The following SOX5 variants were observed in gnomAD, a reference collection of about 807,000 sequenced individuals.
The protein encoded by SOX5 is transcription factor SOX-5.
A neutral mutation model predicts 92.0 loss-of-function variants in SOX5; 9 were observed. The ratio of observed to expected loss-of-function variants is 0.10; its 90% CI spans 0.06 to 0.17. SOX5 has a LOEUF of 0.17. SOX5 is among the 10% of genes least tolerant of loss of function. SOX5 has a pLI of 1.00. For synonymous variants in SOX5, 344 were observed against 336.3 expected (o/e 1.02, Z -0.25); for missense variants, 642 against 944.5 (o/e 0.68, Z 4.20).
chr12:23,815,452 AAACTGAT>A lies in SOX5; in HGVS notation c.481+30524_481+30530del. On this transcript the variant is annotated intron_variant, in intron 3 of 14. Transcript: ENST00000451604. ...GAACACCTAATCAACACCAATAATA[AAACTGAT>A]AACTGATAAGAGTTCATTATTCTTT... Among the ~76,000 whole-genome samples the A allele has an allele frequency of 2.6e-5, 4 of 152,322 alleles. No homozygotes were observed. In the East Asian group the frequency reaches 7.7e-4, roughly 29 times the overall value.
rs1208796492 is a variant in SOX5, at chr12:23,847,243, CTT to C, written c.271-1052_271-1051del. ...TAAACATAAAGCTGTATCCTAAGAT[CTT>C]TGAGACTCACACTAAAAATATTTCT... On this transcript the variant is annotated intron_variant, in intron 2 of 14. Transcript: ENST00000451604. 5.9e-5 allele frequency among the ~76,000 whole-genome samples: 9 copies of C among 152,182 alleles called. No individual in the cohort carries two copies. In the East Asian group the frequency reaches 1.7e-3, roughly 29 times the overall value.
Position 24,425,725 on chromosome 12 carries a change from C to T in SOX5, c.-250-57086G>A, listed in dbSNP as rs150516992. 2.5e-3 allele frequency among the ~76,000 whole-genome samples: 388 copies of T among 152,168 alleles called. 11 individuals carry two copies. Among genetic ancestry groups the T allele is most frequent in the Admixed American group, 0.021 (326 of 15,286 alleles). ...GGGTGGTTTATGTCTTTCAAGTCAC[C>T]GGGCTGTTCCTCAGAAACTATGCAT... On this transcript the variant is annotated intron_variant, in intron 1 of 4. Transcript: ENST00000446891.
intron 4 of SOX5, among the ~76,000 whole-genome samples, chr12:24,093,478 G>T (rs1289525067): frequency 1.3e-5 from 2 of 150,478 alleles, no homozygotes; most frequent in African/African-American, 4.9e-5. Context: ...AGCCAAGATC[G>T]CGCCACTGCA....
At chr12:23,971,349 C>T (rs921608824) in intron 4 of SOX5, among the ~76,000 whole-genome samples, 2 of 151,358 alleles carry the variant, frequency 1.3e-5, no homozygotes, top group African/African-American at 4.9e-5. Context: ...GTCTAGATCT[C>T]CTGACCTGGT....
intron 8 of SOX5, among the ~76,000 whole-genome samples, chr12:23,636,315 G>A (rs971113875): frequency 6.6e-6 from 1 of 152,098 alleles, no homozygotes; most frequent in Non-Finnish European, 1.5e-5. Context: ...ACACAGTAAG[G>A]TGATTTTTCT....
chr12:24,114,306 G>C (rs1490480757), intron 4 of SOX5, among the ~76,000 whole-genome samples: 2 of 152,098 alleles, frequency 1.3e-5, no homozygotes, highest in Non-Finnish European at 2.9e-5. Flanking sequence ...GACGAGAACA[G>C]TGGTTCATGT....
At chr12:23,686,379 G>A (rs544753696) in intron 6 of SOX5, among the ~76,000 whole-genome samples, 55 of 152,260 alleles carry the variant, frequency 3.6e-4, no homozygotes, top group African/African-American at 1.3e-3. Flanking sequence ...AAAAATATCA[G>A]CTTAAGAAGG....
intron 1 of SOX5, among the ~76,000 whole-genome samples, chr12:24,399,620 TA>T (rs1254871748): frequency 2.0e-5 from 3 of 152,250 alleles, no homozygotes; most frequent in East Asian, 3.9e-4. Flanking sequence ...TTTCAGTAGC[TA>T]AAAAAACAAT....
intron 4 of SOX5, among the ~76,000 whole-genome samples, chr12:24,046,762 C>G (rs193171414): frequency 6.7e-6 from 1 of 149,180 alleles, no homozygotes; most frequent in East Asian, 2.0e-4. Flanking sequence ...TCACTGCAAC[C>G]GCTGCCTCCT....
intron 2 of SOX5, among the ~76,000 whole-genome samples, chr12:24,278,185 A>C (rs1944716444): frequency 6.6e-6 from 1 of 152,202 alleles, no homozygotes; most frequent in African/African-American, 2.4e-5. Context: ...CTGATTATTC[A>C]GTTTTGATCA....
chr12:23,686,503 T>C (rs1278093877), intron 6 of SOX5, among the ~76,000 whole-genome samples: 3 of 152,198 alleles, frequency 2.0e-5, no homozygotes, highest in African/African-American at 7.2e-5. Context: ...AATTGGCGAC[T>C]CTCTAATGCC....
At chr12:24,366,491 T>C (rs906976075) in intron 2 of SOX5, among the ~76,000 whole-genome samples, 3 of 152,156 alleles carry the variant, frequency 2.0e-5, no homozygotes, top group Non-Finnish European at 2.9e-5. Context: ...TGCTACCAAA[T>C]GAAGTCAGAG....
In SOX5 at chr12:23,783,501, G is replaced by T. The variant is rs546502523; in HGVS notation, c.482-27777C>A. 1.2e-3 allele frequency among the ~76,000 whole-genome samples: 177 copies of T among 152,254 alleles called. 1 individual carries two copies. Among genetic ancestry groups the T allele is most frequent in the African/African-American group, 3.9e-3 (162 of 41,550 alleles). Reference sequence around the variant, plus strand: ...AGAAATATAGTAAATTTGACCATGTGCTGAGGAATTAAGTTGAAATAGAGA... The same window carrying T: ...AGAAATATAGTAAATTTGACCATGTTCTGAGGAATTAAGTTGAAATAGAGA... On this transcript the variant is annotated intron_variant, in intron 3 of 14. Coordinates refer to ENST00000451604, the MANE Select transcript of SOX5 (RefSeq NM_006940.6).
chr12:23,887,416 A>G (rs2097079820), intron 2 of SOX5, among the ~76,000 whole-genome samples: 1 of 152,244 alleles, frequency 6.6e-6, no homozygotes, highest in Non-Finnish European at 1.5e-5. Flanking sequence ...ATTATATAAT[A>G]AAGTGCAACT....
chr12:24,401,977 C>CCT (rs1961817757), intron 1 of SOX5, among the ~76,000 whole-genome samples: 1 of 152,088 alleles, frequency 6.6e-6, no homozygotes, highest in Non-Finnish European at 1.5e-5. Context: ...TTTACACCTA[C>CCT]CTCCTAATGC....
intron 4 of SOX5, among the ~76,000 whole-genome samples, chr12:24,184,430 A>G (rs1231340858): frequency 1.3e-5 from 2 of 152,190 alleles, no homozygotes; most frequent in East Asian, 3.8e-4. Flanking sequence ...CAAACAACCT[A>G]TGGCATAAGC....
chr12:24,411,111 T>A (rs755413463), intron 1 of SOX5, among the ~76,000 whole-genome samples: 22 of 152,210 alleles, frequency 1.4e-4, no homozygotes, highest in Admixed American at 6.5e-4. Flanking sequence ...ATTGCTAGTA[T>A]TAATATATAC....
intron 4 of SOX5, among the ~76,000 whole-genome samples, chr12:24,077,877 A>G (rs904037212): frequency 6.7e-6 from 1 of 149,512 alleles, no homozygotes; most frequent in Non-Finnish European, 1.5e-5. Flanking sequence ...ACACACCCAT[A>G]GCAATTCTGA....
chr12:24,544,922 T>A (rs1473546877), intron 1 of SOX5, among the ~76,000 whole-genome samples: 2 of 152,244 alleles, frequency 1.3e-5, no homozygotes, highest in Non-Finnish European at 2.9e-5. Flanking sequence ...AGCTTCTAAT[T>A]ACGTTTCTGA....
Sources: allele counts gnomAD v4.1 joint callset (sites outside exome capture counted in the v4.1 genomes callset), GRCh38; gene constraint gnomAD v4.1.1; transcripts MANE v1.5; gene names NCBI Gene and HGNC (gene_info 2026-07-23, HGNC 2026-07-21).